Variants in ECHDC2 observed in about 807,000 individuals in gnomAD.
ECHDC2 encodes the protein enoyl-CoA hydratase domain containing 2, also known as enoyl-CoA hydratase domain-containing protein 2, mitochondrial.
Under a neutral mutation model 40.6 loss-of-function variants are expected in ECHDC2, and 34 were observed. The ratio of observed to expected loss-of-function variants is 0.84; its 90% CI spans 0.64 to 1.11. The LOEUF is 1.11. Among genes scored for constraint, ECHDC2 ranks in the 50% most tolerant of loss-of-function variants. ECHDC2 has a pLI of 0.00. For synonymous variants in ECHDC2, 162 were observed against 166.6 expected, an observed-to-expected ratio of 0.97 and a Z score of 0.21; for missense variants, 392 against 400.7, an observed-to-expected ratio of 0.98 and a Z score of 0.19.
intron 1 of ECHDC2, among the ~76,000 whole-genome samples, chr1:52,916,869 G>C (rs1043283310): frequency 6.6e-6 from 1 of 152,134 alleles, no homozygotes; most frequent in Non-Finnish European, 1.5e-5. Flanking sequence ...GCTGACCTAG[G>C]ATCACTTCTG....
At chr1:52,906,497 G>T in intron 5 of ECHDC2, 22 bp downstream of exon 5, 1 of 1,586,966 alleles carries the variant, frequency 6.3e-7, no homozygotes, top group Non-Finnish European at 8.6e-7. Flanking sequence ...CCCACCCCCT[G>T]CCCCCAGTCC....
chr1:52,902,110 G>A (rs1235629581), intron 7 of ECHDC2: 3 of 151,868 alleles, frequency 2.0e-5, no homozygotes, highest in African/African-American at 4.8e-5. Flanking sequence ...GAAGTATTAG[G>A]ATTATTTACA....
intron 3 of ECHDC2, among the ~76,000 whole-genome samples, chr1:52,909,550 A>C (rs954088368): frequency 1.3e-5 from 2 of 151,924 alleles, no homozygotes; most frequent in African/African-American, 4.8e-5. Context: ...ACACCACACA[A>C]AAAAATCTTA....
In ECHDC2 at chr1:52,921,571, G is replaced by C. The variant is rs768296100; in HGVS notation, c.103C>G (p.Leu35Val). 6.2e-7 allele frequency: 1 copy of C among 1,609,794 alleles called. No individual in the cohort carries two copies. Among genetic ancestry groups the C allele is most frequent in the Non-Finnish European group, 8.5e-7 (1 of 1,178,630 alleles). Residue 35 changes from leucine (L) to valine (V), a missense_variant, in exon 1 of 10, where the codon CTG becomes GTG. By Grantham distance (32) the Leu-to-Val change is conservative. Coordinates refer to ENST00000371522, the MANE Select transcript of ECHDC2 (RefSeq NM_001198961.2). ...CATTTACCTTGGTCCGGACCCGCCA[G>C]GGCGCGCACTTGGATCTCTGAGCCC... ...AGGSEIQVRA[L>V]AGPDQGITEI...
At chr1:52,908,060 G>A (rs1648409421) in intron 3 of ECHDC2, 106 bp from the exon 4 acceptor site, 8 of 955,116 alleles carry the variant, frequency 8.4e-6, no homozygotes, top group East Asian at 2.6e-5. Context: ...GGCAGCCAGC[G>A]AGGAAGGAGA....
In ECHDC2 at chr1:52,921,647, G is replaced by A. The variant is rs752042052; in HGVS notation, c.27C>T (p.Arg9=). 22 of 1,583,226 alleles carry A rather than the reference G, an allele frequency of 1.4e-5. No individual in the cohort carries two copies. The Admixed American group carries it at 3.7e-4, about 27-fold the overall frequency. MLRVLCLL[R]PWRPLRARGC... is the part of the protein sequence containing the mutation. ...CGCGGGCCCGAAGGGGCCTCCAGGG[G>A]CGCAGGAGGCACAGAACGCGCAGCA... is the stretch of plus-strand genomic sequence containing the variant. The change falls in exon 1 of 10, where the codon CGC becomes CGT. Residue 9 remains arginine, a synonymous_variant. Coordinates refer to ENST00000371522, the MANE Select transcript of ECHDC2 (RefSeq NM_001198961.2).
chr1:52,920,701 G>A (rs928254753), intron 1 of ECHDC2: 2 of 603,938 alleles, frequency 3.3e-6, no homozygotes, highest in African/African-American at 1.9e-5. Context: ...CTGGAATTAA[G>A]TGTTGTCTTG....
At chr1:52,902,132 GGAAA>G (rs1647030996) in intron 7 of ECHDC2, 1 of 152,074 alleles carries the variant, frequency 6.6e-6, no homozygotes, top group African/African-American at 2.4e-5. Context: ...TTGAGAGACA[GGAAA>G]GAAAGGATTT....
chr1:52,908,239 G>C (rs932807867), intron 3 of ECHDC2, among the ~76,000 whole-genome samples: 2 of 152,218 alleles, frequency 1.3e-5, no homozygotes, highest in African/African-American at 4.8e-5. Context: ...GCTGGGTGCA[G>C]TGGCTCACGC....
intron 1 of ECHDC2, among the ~76,000 whole-genome samples, chr1:52,918,445 T>C (rs1651204003): frequency 6.6e-6 from 1 of 151,888 alleles, no homozygotes; most frequent in Admixed American, 6.6e-5. Flanking sequence ...ATTGTTATCA[T>C]AGGAGATGGC....
chr1:52,902,680 G>A (rs566281068), intron 7 of ECHDC2, among the ~76,000 whole-genome samples: 2 of 152,180 alleles, frequency 1.3e-5, no homozygotes, highest in East Asian at 1.9e-4. Flanking sequence ...GTAAATTTTT[G>A]TATTTGAAAT....
intron 3 of ECHDC2, among the ~76,000 whole-genome samples, chr1:52,908,956 G>GAAAAAAAAAAAAAAAAAAAA (rs1190885771): frequency 2.1e-5 from 3 of 141,826 alleles, no homozygotes; most frequent in Admixed American, 6.9e-5. Context: ...AAAAAAAAAG[G>GAAAAAAAAAAAAAAAAAAAA]AAAAAGGACT....
At chr1:52,912,207 C>T in intron 1 of ECHDC2, 1 of 238,188 alleles carries the variant, frequency 4.2e-6, no homozygotes, top group Non-Finnish European at 7.0e-6. Context: ...GAGAGTTTTG[C>T]TGTTTTTTTT....
chr1:52,903,500 A>G (rs1647127126), intron 7 of ECHDC2, among the ~76,000 whole-genome samples: 1 of 151,540 alleles, frequency 6.6e-6, no homozygotes, highest in African/African-American at 2.4e-5. Context: ...CCCAGGCTGG[A>G]AGTGCAGTGG....
chr1:52,913,840 A>G (rs1650104211), intron 1 of ECHDC2: 13 of 857,134 alleles, frequency 1.5e-5, no homozygotes, highest in Admixed American at 8.6e-5. Flanking sequence ...ACACAGATGC[A>G]TAATGACACG....
At chr1:52,902,812 T>C (rs539418703) in intron 7 of ECHDC2, among the ~76,000 whole-genome samples, 12 of 152,334 alleles carry the variant, frequency 7.9e-5, no homozygotes, top group Non-Finnish European at 1.5e-4. Context: ...TGTTTTTTTT[T>C]CTAATACTAC....
rs1052482780 is a variant in ECHDC2, at chr1:52,914,374, T to A, written c.122-2584A>T. On this transcript the variant is annotated intron_variant, in intron 1 of 9. Coordinates refer to ENST00000371522, the MANE Select transcript of ECHDC2 (RefSeq NM_001198961.2). The surrounding 1 kb of genome is among the most constrained non-coding windows in gnomAD (Gnocchi z 4.0). ...AGTGCCTGTGTGTGTGCATGCATGT[T>A]GGCAAGGTGCAGGGAAGGGGGCAGT... 2.0e-5 allele frequency among the ~76,000 whole-genome samples: 3 copies of A among 152,144 alleles called. No homozygotes were observed. Among genetic ancestry groups the A allele is most frequent in the Non-Finnish European group, 4.4e-5 (3 of 68,012 alleles).
At chr1:52,920,829 G>C (rs561139721) in intron 1 of ECHDC2, among the ~76,000 whole-genome samples, 1 of 152,350 alleles carries the variant, frequency 6.6e-6, no homozygotes, top group East Asian at 1.9e-4. Flanking sequence ...ATGAGATGCG[G>C]GGAGGAGACC....
At chr1:52,916,378 A>G (rs1163369504) in intron 1 of ECHDC2, among the ~76,000 whole-genome samples, 1 of 152,170 alleles carries the variant, frequency 6.6e-6, no homozygotes, top group African/African-American at 2.4e-5. Context: ...CCCTCTCGGA[A>G]TACTGACTGT....
Sources: allele counts gnomAD v4.1 joint callset (sites outside exome capture counted in the v4.1 genomes callset), GRCh38; gene constraint gnomAD v4.1.1; non-coding constraint Gnocchi (gnomAD v3.1); transcripts MANE v1.5; gene names NCBI Gene and HGNC (gene_info 2026-07-23, HGNC 2026-07-21).